PARN: variants seen among roughly 807,000 people sequenced by gnomAD.
The protein encoded by PARN is poly(A)-specific ribonuclease.
In PARN, 71 loss-of-function variants were observed where a neutral mutation model predicts 102.8. The observed-to-expected ratio is 0.69, with a 90% confidence interval of 0.57 to 0.84. PARN has a LOEUF of 0.84. Ranked by LOEUF, PARN falls within the 40% of genes least tolerant of loss-of-function variation. The pLI is 0.00. For missense variants in PARN, 782 were observed against 760.9 expected (o/e 1.03, Z -0.33); for synonymous variants, 261 against 252.9 (o/e 1.03, Z -0.30).
chr16:14,563,319 AG>A (rs2151723014), intron 18 of PARN, among the ~76,000 whole-genome samples: 1 of 152,336 alleles, frequency 6.6e-6, no homozygotes, highest in South Asian at 2.1e-4. Context: ...GGTCACGCCT[AG>A]TGTTGGAGCC....
intron 21 of PARN, among the ~76,000 whole-genome samples, chr16:14,495,539 G>A (rs1016660509): frequency 6.6e-6 from 1 of 152,216 alleles, no homozygotes; most frequent in Non-Finnish European, 1.5e-5. Context: ...GGTGGGTGTG[G>A]CAAAGGGGTC....
At chr16:14,569,327 C>T (rs1478832041) in intron 18 of PARN, among the ~76,000 whole-genome samples, 1 of 152,144 alleles carries the variant, frequency 6.6e-6, no homozygotes, top group East Asian at 1.9e-4. Context: ...AACAACCACC[C>T]TTTCTGCACA....
chr16:14,573,602 C>T (rs1968938757), intron 18 of PARN, among the ~76,000 whole-genome samples: 1 of 152,210 alleles, frequency 6.6e-6, no homozygotes. Flanking sequence ...TTGGCTATGT[C>T]CCCATCCAAA....
In PARN at chr16:14,511,704, T is replaced by C. The variant is rs140800177; in HGVS notation, c.1481-28877A>G. ...CTATGTTATGGTATGTTATGTTATG[T>C]TATGTTATATTTTAGACACAGGGTC... On this transcript the variant is annotated intron_variant, in intron 21 of 23. Coordinates refer to ENST00000437198, the MANE Select transcript of PARN (RefSeq NM_002582.4). Among the ~76,000 whole-genome samples, 160 of 152,236 alleles carry C rather than the reference T, an allele frequency of 1.1e-3. 1 individual carries two copies. Among genetic ancestry groups the C allele is most frequent in the African/African-American group, 3.5e-3 (145 of 41,538 alleles).
intron 21 of PARN, among the ~76,000 whole-genome samples, chr16:14,538,343 C>T (rs1966703262): frequency 1.3e-5 from 2 of 151,824 alleles, no homozygotes; most frequent in Non-Finnish European, 2.9e-5. Context: ...CTCAGCCTCC[C>T]AAGTAACTGG....
intron 23 of PARN, among the ~76,000 whole-genome samples, chr16:14,443,977 G>C (rs891661341): frequency 9.2e-5 from 14 of 152,086 alleles, no homozygotes; most frequent in African/African-American, 3.1e-4. Context: ...CCAGACCTTC[G>C]CGGCTCCTGG....
intron 22 of PARN, among the ~76,000 whole-genome samples, chr16:14,474,008 T>C (rs575521028): frequency 6.6e-5 from 10 of 152,328 alleles, no homozygotes; most frequent in Non-Finnish European, 1.2e-4. Context: ...ATTCTTTTTT[T>C]TCTTTTCTGA....
intron 22 of PARN, among the ~76,000 whole-genome samples, chr16:14,449,101 G>A (rs1004011753): frequency 6.6e-6 from 1 of 152,086 alleles, no homozygotes; most frequent in Non-Finnish European, 1.5e-5. Flanking sequence ...AAATTCCTTC[G>A]CATTGTAAAT....
At chr16:14,513,868 C>T (rs896770946) in intron 21 of PARN, among the ~76,000 whole-genome samples, 3 of 152,194 alleles carry the variant, frequency 2.0e-5, no homozygotes, top group African/African-American at 7.2e-5. Context: ...CTACCCTTTA[C>T]TGGACTAATT....
intron 22 of PARN, among the ~76,000 whole-genome samples, chr16:14,458,455 A>G (rs1045105413): frequency 2.0e-5 from 3 of 152,228 alleles, no homozygotes; most frequent in African/African-American, 7.2e-5. Context: ...TGAGCGATTG[A>G]ACACACTATT....
At chr16:14,594,650 A>T (rs1011357895) in intron 12 of PARN, among the ~76,000 whole-genome samples, 5 of 152,196 alleles carry the variant, frequency 3.3e-5, no homozygotes, top group Admixed American at 1.3e-4. Context: ...CAGGAGGCGG[A>T]GGTTGCAGTG....
In PARN at chr16:14,617,585, C is replaced by T; in HGVS notation, c.388+5G>A. On this transcript the variant is annotated splice_donor_5th_base_variant and intron_variant, in intron 6 of 23. Transcript: ENST00000437198. ...GCTCTAAAGATAGGTTACCCATAAT[C>T]TTACCATTTCGAAAAACTTTATTAA... The T allele has an allele frequency of 7.0e-7, 1 of 1,437,320 alleles. No homozygotes were observed. Among genetic ancestry groups the T allele is most frequent in the Non-Finnish European group, 9.8e-7 (1 of 1,018,822 alleles). 89.0% of individuals were successfully genotyped at this position (1,437,320 alleles called of 1,614,324 possible).
chr16:14,507,976 T>C (rs1323647478), intron 21 of PARN, among the ~76,000 whole-genome samples: 2 of 152,208 alleles, frequency 1.3e-5, no homozygotes, highest in African/African-American at 4.8e-5. Context: ...AGTCCATCTA[T>C]AGTATGATTA....
chr16:14,624,690 G>A (rs1035561231), intron 5 of PARN, among the ~76,000 whole-genome samples: 3 of 152,306 alleles, frequency 2.0e-5, no homozygotes, highest in South Asian at 2.1e-4. Flanking sequence ...AGGCCAAAGT[G>A]GGAGGATCAC....
chr16:14,436,816 G>A lies in PARN; in HGVS notation c.1865-44C>T, dbSNP rs766737516. ...ACAATATGAACAGCAGGACCAGGAC[G>A]GCACCTTGAGGAGAGCATGACATGA... On this transcript the variant is annotated intron_variant, in intron 23 of 23. Transcript: ENST00000437198. The A allele has an allele frequency of 6.5e-6, 9 of 1,387,754 alleles. No individual in the cohort carries two copies. The East Asian group carries it at 9.8e-5, about 15-fold the overall frequency. The allele number at this position is 1,387,754 out of a possible 1,614,324, so 86.0% of individuals were successfully genotyped here. A position where few individuals can be genotyped will look rare whatever the true frequency, so the allele number is the denominator to read the frequency against.
chr16:14,451,169 C>A (rs949543619), intron 22 of PARN, among the ~76,000 whole-genome samples: 2 of 152,170 alleles, frequency 1.3e-5, no homozygotes, highest in African/African-American at 4.8e-5. Context: ...CAGAAGTTTA[C>A]TGGCCCAAAT....
intron 6 of PARN, among the ~76,000 whole-genome samples, chr16:14,612,585 C>A (rs563592536): frequency 1.3e-5 from 2 of 152,106 alleles, no homozygotes; most frequent in Admixed American, 6.5e-5. Flanking sequence ...ACCTTTTGGA[C>A]ATACTATTTT....
At chr16:14,477,775 C>A (rs908842344) in intron 22 of PARN, among the ~76,000 whole-genome samples, 1 of 148,194 alleles carries the variant, frequency 6.7e-6, no homozygotes, top group African/African-American at 2.5e-5. Context: ...GAGACTCCGT[C>A]GGAAAGGGAA....
At position 14,629,631 on chromosome 16, in the gene PARN, C is replaced by T. The variant is rs1222298732; in HGVS notation, c.63G>A (p.Glu21=). The change falls in exon 2 of 24, where the codon GAG becomes GAA. Residue 21 remains glutamate (E), a synonymous_variant. Coordinates refer to ENST00000437198, the MANE Select transcript of PARN (RefSeq NM_002582.4). ...NLHKVYQAIE[E]ADFFAIDGEF... is the part of the protein sequence containing the mutation. ...CCCCATCGATGGCGAAGAAGTCGGC[C>T]TCCTCTATGGCCTGGTACACTTTGT... is the stretch of plus-strand genomic sequence containing the variant. 3 of 1,613,556 alleles carry T rather than the reference C, an allele frequency of 1.9e-6. No homozygotes were observed. In the African/African-American group the frequency reaches 4.0e-5, roughly 22 times the overall value.
Sources: allele counts gnomAD v4.1 joint callset (sites outside exome capture counted in the v4.1 genomes callset), GRCh38; gene constraint gnomAD v4.1.1; transcripts MANE v1.5; gene names NCBI Gene and HGNC (gene_info 2026-07-23, HGNC 2026-07-21).